Variants in KCTD9 observed in about 807,000 individuals in gnomAD.
KCTD9 encodes the protein potassium channel tetramerization domain containing 9.
A neutral mutation model predicts 53.3 loss-of-function variants in KCTD9; 17 were observed. That is an observed-to-expected ratio of 0.32 (90% confidence interval 0.22 to 0.48). KCTD9 has a LOEUF of 0.48. KCTD9 is among the 20% of genes least tolerant of loss of function. KCTD9 has a pLI of 0.99. For missense variants in KCTD9, 179 were observed against 465.5 expected, an observed-to-expected ratio of 0.38 and a Z score of 5.66; for synonymous variants, 128 against 162.7, an observed-to-expected ratio of 0.79 and a Z score of 1.62.
rs1053525095 is a variant in KCTD9, at chr8:25,431,942, C to T, written c.1053+562G>A. ...TCATTTGCACTAGCCAAATCTCAAG[C>T]GCTCAATAGCTATATATGGGTGGTA... On this transcript the variant is annotated intron_variant, in intron 11 of 11. Coordinates refer to ENST00000221200, the MANE Select transcript of KCTD9 (RefSeq NM_017634.4). Among the ~76,000 whole-genome samples, 12 of 152,030 alleles carry T rather than the reference C, an allele frequency of 7.9e-5. No homozygotes were observed. In the East Asian group the frequency reaches 1.3e-3, roughly 17 times the overall value.
chr8:25,448,692 AT>A (rs1206378539), intron 1 of KCTD9, among the ~76,000 whole-genome samples: 1 of 152,112 alleles, frequency 6.6e-6, no homozygotes, highest in Non-Finnish European at 1.5e-5. Flanking sequence ...AGGCGGATGG[AT>A]TGCTTAAGCT....
chr8:25,429,375 C>CTATT lies in KCTD9; in HGVS notation c.*478_*481dup, dbSNP rs1016304571. The CTATT allele has an allele frequency of 1.9e-5, 3 of 154,382 alleles. No homozygotes were observed. Among genetic ancestry groups the CTATT allele is most frequent in the African/African-American group, 7.2e-5 (3 of 41,456 alleles). 9.6% of individuals were successfully genotyped at this position (154,382 alleles called of 1,614,324 possible). A position where few individuals can be genotyped will look rare whatever the true frequency, so the allele number is the denominator to read the frequency against. On this transcript the variant is annotated 3_prime_UTR_variant, in exon 12 of 12. Coordinates refer to ENST00000221200, the MANE Select transcript of KCTD9 (RefSeq NM_017634.4). ...TTAAAGAGGGGAGGCATCACTAAAG[C>CTATT]TATTTATAAACCTGAACAACCTTTT...
chr8:25,447,390 G>T (rs11787383), intron 1 of KCTD9, among the ~76,000 whole-genome samples: 61,248 of 151,818 alleles, frequency 0.4, 12,745 homozygotes, highest in African/African-American at 0.51. Flanking sequence ...CTGTCTCCCC[G>T]CTAAAAAAAG....
At chr8:25,446,097 C>A in intron 2 of KCTD9, 32 bp downstream of exon 2, 1 of 1,606,906 alleles carries the variant, frequency 6.2e-7, no homozygotes, top group Non-Finnish European at 8.5e-7. Context: ...TTGAGGCACA[C>A]TGTTGACAGC....
chr8:25,430,458 G>C (rs1281635829), intron 11 of KCTD9, among the ~76,000 whole-genome samples: 5 of 152,078 alleles, frequency 3.3e-5, no homozygotes, highest in Non-Finnish European at 7.4e-5. Flanking sequence ...ACCCTATTGT[G>C]AACTGCACAT....
chr8:25,458,087 GC>G, intron 1 of KCTD9, 111 bp downstream of exon 1: 1 of 1,072,806 alleles, frequency 9.3e-7, no homozygotes, highest in Non-Finnish European at 1.4e-6. Context: ...GCCCGCGCAC[GC>G]CCACCTCCCA....
chr8:25,444,243 C>CTTTTTTTTTT, intron 3 of KCTD9, 49 bp downstream of exon 3: 3 of 963,502 alleles, frequency 3.1e-6, no homozygotes, highest in Admixed American at 5.9e-5. Flanking sequence ...GTCATTCCAT[C>CTTTTTTTTTT]TTTTTTTTTT....
At chr8:25,453,698 C>T (rs796985017) in intron 1 of KCTD9, among the ~76,000 whole-genome samples, 110 of 149,796 alleles carry the variant, frequency 7.3e-4, no homozygotes, top group African/African-American at 2.4e-3. Context: ...ATATATGTGA[C>T]AAAACTATTT....
intron 1 of KCTD9, among the ~76,000 whole-genome samples, chr8:25,452,794 A>G (rs1055846930): frequency 2.6e-5 from 4 of 152,260 alleles, no homozygotes; most frequent in Non-Finnish European, 5.9e-5. Context: ...TATAACATGT[A>G]CTTTAATAAA....
At chr8:25,441,257 A>C (rs1286511495) in intron 3 of KCTD9, among the ~76,000 whole-genome samples, 2 of 152,134 alleles carry the variant, frequency 1.3e-5, no homozygotes, top group Non-Finnish European at 2.9e-5. Flanking sequence ...TGTGTATTTT[A>C]AACACTTCAC....
rs899622253 is a variant in KCTD9, at chr8:25,458,379, G to A, written c.-133C>T. On this transcript the variant is annotated 5_prime_UTR_variant, in exon 1 of 12. Coordinates refer to ENST00000221200, the MANE Select transcript of KCTD9 (RefSeq NM_017634.4). ...CTCCCTTCGCCACCTTCCTGCCCTT[G>A]GGGACACACCACACGCACGCACTCT... is the stretch of plus-strand genomic sequence containing the variant. 4.2e-5 allele frequency: 42 copies of A among 995,208 alleles called. No homozygotes were observed. The South Asian group carries it at 6.0e-4, about 14-fold the overall frequency. 61.6% of individuals were successfully genotyped at this position (995,208 alleles called of 1,614,324 possible).
intron 3 of KCTD9, 82 bp downstream of exon 3, chr8:25,444,210 T>C: frequency 9.1e-7 from 1 of 1,099,200 alleles, no homozygotes; most frequent in Non-Finnish European, 1.3e-6. Flanking sequence ...TGTTTAAGCT[T>C]AATAGCCCCA....
At position 25,428,035 on chromosome 8, in the gene KCTD9, A is replaced by C. The variant is rs1355539062; in HGVS notation, c.*1822T>G. 1 of 152,532 alleles carries C rather than the reference A, an allele frequency of 6.6e-6. No homozygotes were observed. The highest frequency in any genetic ancestry group is 1.5e-5 in the Non-Finnish European group (1 of 68,036). The allele number at this position is 152,532 out of a possible 1,614,324, so 9.4% of individuals were successfully genotyped here. On this transcript the variant is annotated 3_prime_UTR_variant, in exon 12 of 12. Transcript: ENST00000221200. ...GAGAAGAAACTCCTTTTCAACAAAC[A>C]CTTTATATCATTTATTAATGCAGTA...
chr8:25,435,579 T>G (rs1802001926), intron 8 of KCTD9, 67 bp from the exon 9 acceptor site: 22 of 1,431,836 alleles, frequency 1.5e-5, no homozygotes, highest in Non-Finnish European at 2.0e-5. Context: ...TTAATTACTA[T>G]AGCTAACCAC....
Position 25,429,988 on chromosome 8 carries a change from C to T in KCTD9, c.1054-15G>A. ...AGATCACAATTCTGCAAGATGAAAA[C>T]AATATTCATGTAATTCATGTGGAAA... On this transcript the variant is annotated splice_polypyrimidine_tract_variant and intron_variant, in intron 11 of 11. Transcript: ENST00000221200. 2.2e-6 allele frequency: 3 copies of T among 1,346,688 alleles called. No homozygotes were observed. The highest frequency in any genetic ancestry group is 3.2e-6 in the Non-Finnish European group (3 of 937,468). The allele number at this position is 1,346,688 out of a possible 1,614,324, so 83.4% of individuals were successfully genotyped here. A position where few individuals can be genotyped will look rare whatever the true frequency, so the allele number is the denominator to read the frequency against.
chr8:25,449,451 C>T (rs1428396211), intron 1 of KCTD9, among the ~76,000 whole-genome samples: 1 of 152,156 alleles, frequency 6.6e-6, no homozygotes, highest in Admixed American at 6.5e-5. Context: ...ATGCACCTGC[C>T]TGTATTATGC....
At chr8:25,439,460 G>C in intron 5 of KCTD9, 53 bp from the exon 6 acceptor site, 1 of 1,573,406 alleles carries the variant, frequency 6.4e-7, no homozygotes, top group Admixed American at 1.9e-5. Flanking sequence ...AATAAAGTCA[G>C]AAATGTATGA....
chr8:25,439,488 A>AT lies in KCTD9; in HGVS notation c.371-82dup. On this transcript the variant is annotated intron_variant, in intron 5 of 11. Transcript: ENST00000221200. The stretch of plus-strand genomic sequence containing the variant: ...ATGTATGAGGAAAAAATTGCTAAAT[A>AT]TAAGTTTTTACTCTTAAAAACTGAC... 4 of 1,562,814 alleles carry AT rather than the reference A, an allele frequency of 2.6e-6. No individual in the cohort carries two copies. The South Asian group carries it at 4.7e-5, about 18-fold the overall frequency.
chr8:25,432,484 T>TA lies in KCTD9; in HGVS notation c.1053+19dup, dbSNP rs1801949301. The TA allele has an allele frequency of 1.9e-6, 3 of 1,604,954 alleles. No homozygotes were observed. The highest frequency in any genetic ancestry group is 2.2e-5 in the South Asian group (2 of 89,504). On this transcript the variant is annotated intron_variant, in intron 11 of 11. Coordinates refer to ENST00000221200, the MANE Select transcript of KCTD9 (RefSeq NM_017634.4). ...GTAAGTCTAGAGTAATAAAAATTCTTAAAGTGTTGGTGAACTCACCTCTAA... is the reference window on the plus strand; with the variant it reads ...GTAAGTCTAGAGTAATAAAAATTCTTAAAAGTGTTGGTGAACTCACCTCTAA...
Sources: gnomAD v4.1 joint callset for allele counts (sites outside exome capture counted in the v4.1 genomes callset) on GRCh38, gnomAD v4.1.1 for gene constraint, MANE v1.5 for transcripts, NCBI Gene and HGNC (gene_info 2026-07-23, HGNC 2026-07-21) for gene names.